The following ROBO2 variants were observed in gnomAD, a reference collection of about 807,000 sequenced individuals.
The protein encoded by ROBO2 is roundabout homolog 2.
In ROBO2, 53 loss-of-function variants were observed where a neutral mutation model predicts 160.8. That is an observed-to-expected ratio of 0.33 (90% CI 0.26 to 0.41). The LOEUF is 0.41. Among genes scored for constraint, ROBO2 ranks in the 10% least tolerant of loss-of-function variants. ROBO2 has a pLI of 1.00. For synonymous variants in ROBO2, 664 were observed against 611.7 expected (o/e 1.09, Z -1.26); for missense variants, 1,577 against 1,722.4 (o/e 0.92, Z 1.49).
At chr3:77,361,674 C>T (rs113367626) in intron 2 of ROBO2, among the ~76,000 whole-genome samples, 3 of 152,076 alleles carry the variant, frequency 2.0e-5, no homozygotes, top group Admixed American at 1.3e-4. Flanking sequence ...TAAGGACACC[C>T]ATTCCATTTA....
At chr3:77,313,040 A>G (rs2063680889) in intron 2 of ROBO2, among the ~76,000 whole-genome samples, 1 of 152,230 alleles carries the variant, frequency 6.6e-6, no homozygotes, top group Non-Finnish European at 1.5e-5. Flanking sequence ...ATAAAAGAAA[A>G]TATTTCTTAT....
At chr3:76,515,399 T>C (rs1003929855) in intron 2 of ROBO2, among the ~76,000 whole-genome samples, 31 of 152,244 alleles carry the variant, frequency 2.0e-4, no homozygotes, top group African/African-American at 6.7e-4. Context: ...TTCCTTTTTT[T>C]CCCCAACTAT....
chr3:77,071,796 T>G (rs765712949), intron 1 of ROBO2, among the ~76,000 whole-genome samples: 1 of 152,190 alleles, frequency 6.6e-6, no homozygotes, highest in Non-Finnish European at 1.5e-5. Flanking sequence ...TTTCCTTACT[T>G]GCACGAGGCT....
intron 1 of ROBO2, among the ~76,000 whole-genome samples, chr3:77,095,115 G>T (rs773874009): frequency 3.3e-5 from 5 of 151,790 alleles, no homozygotes; most frequent in Non-Finnish European, 7.4e-5. Context: ...TAAAAAACTT[G>T]CCTCTATAAT....
chr3:77,102,918 T>C (rs537677664), intron 2 of ROBO2, among the ~76,000 whole-genome samples: 23 of 151,500 alleles, frequency 1.5e-4, no homozygotes, highest in Non-Finnish European at 1.9e-4. Context: ...AAATAATCTC[T>C]AGGCAAAAAA....
intron 2 of ROBO2, among the ~76,000 whole-genome samples, chr3:76,983,691 T>C (rs914352051): frequency 2.0e-5 from 3 of 152,212 alleles, no homozygotes; most frequent in Non-Finnish European, 4.4e-5. Flanking sequence ...TATTATATGA[T>C]AGACAATAGA....
In ROBO2 at chr3:77,081,308, G is replaced by A. The variant is rs142185744; in HGVS notation, c.62-16706G>A. The stretch of plus-strand genomic sequence containing the variant: ...CATTATTACGCCATTGGCCACAGCA[G>A]TGAAATTCAGCAGAAGGCAATTCTG... On this transcript the variant is annotated intron_variant, in intron 1 of 25. Transcript: ENST00000461745. 1.5e-3 allele frequency among the ~76,000 whole-genome samples: 221 copies of A among 152,316 alleles called. 1 individual carries two copies. The highest frequency in any genetic ancestry group is 5.0e-3 in the African/African-American group (206 of 41,582).
At chr3:77,188,913 A>G (rs1463723059) in intron 2 of ROBO2, among the ~76,000 whole-genome samples, 1 of 151,014 alleles carries the variant, frequency 6.6e-6, no homozygotes, top group Non-Finnish European at 1.5e-5. Flanking sequence ...TCAAGATCAA[A>G]TATTTGAAAC....
chr3:77,319,753 C>T (rs951011653), intron 2 of ROBO2, among the ~76,000 whole-genome samples: 2 of 152,078 alleles, frequency 1.3e-5, no homozygotes, highest in Admixed American at 6.6e-5. Context: ...CTGCATTCTC[C>T]AGGTATATAT....
chr3:76,239,647 T>A (rs1339289856), intron 2 of ROBO2, among the ~76,000 whole-genome samples: 2 of 152,204 alleles, frequency 1.3e-5, no homozygotes, highest in Admixed American at 1.3e-4. Flanking sequence ...TCACAAGTAC[T>A]TCTTGGGAAG....
At chr3:77,381,317 A>G (rs1299087855) in intron 2 of ROBO2, among the ~76,000 whole-genome samples, 8 of 152,000 alleles carry the variant, frequency 5.3e-5, no homozygotes, top group Non-Finnish European at 1.2e-4. Flanking sequence ...TCCATCTAAA[A>G]CAAACAAACA....
At chr3:76,868,608 A>G (rs1319561873) in intron 2 of ROBO2, among the ~76,000 whole-genome samples, 1 of 152,194 alleles carries the variant, frequency 6.6e-6, no homozygotes, top group Non-Finnish European at 1.5e-5. Context: ...GAATATATGT[A>G]TCTCAGCTAA....
chr3:75,940,807 T>C (rs1948021007), intron 2 of ROBO2, among the ~76,000 whole-genome samples: 1 of 152,106 alleles, frequency 6.6e-6, no homozygotes, highest in African/African-American at 2.4e-5. Flanking sequence ...ATGGGTGTAA[T>C]TAATGGCACA....
intron 2 of ROBO2, among the ~76,000 whole-genome samples, chr3:76,469,926 A>G (rs1309789389): frequency 6.6e-6 from 1 of 152,158 alleles, no homozygotes; most frequent in Non-Finnish European, 1.5e-5. Flanking sequence ...GATTCAATAC[A>G]CATCTGATAA....
chr3:77,560,638 G>A (rs2093291383), intron 9 of ROBO2, among the ~76,000 whole-genome samples: 2 of 151,970 alleles, frequency 1.3e-5, no homozygotes, highest in Admixed American at 6.6e-5. Context: ...GATGAATACT[G>A]TGTTCTTCTA....
chr3:76,858,276 G>A (rs1214147112), intron 2 of ROBO2, among the ~76,000 whole-genome samples: 1 of 152,098 alleles, frequency 6.6e-6, no homozygotes, highest in African/African-American at 2.4e-5. Flanking sequence ...TCAGTAAATA[G>A]CTTTGTTTTT....
At chr3:76,066,186 A>T (rs1342051285) in intron 2 of ROBO2, among the ~76,000 whole-genome samples, 2 of 152,128 alleles carry the variant, frequency 1.3e-5, no homozygotes, top group Non-Finnish European at 2.9e-5. Flanking sequence ...GAATCATATT[A>T]TATTTATCAT....
intron 2 of ROBO2, among the ~76,000 whole-genome samples, chr3:76,588,681 G>A (rs905987910): frequency 2.6e-5 from 4 of 152,160 alleles, no homozygotes; most frequent in African/African-American, 9.7e-5. Flanking sequence ...ATCACATCAA[G>A]TGCCTGCACA....
At chr3:76,268,265 C>A (rs549342601) in intron 2 of ROBO2, among the ~76,000 whole-genome samples, 13 of 147,472 alleles carry the variant, frequency 8.8e-5, no homozygotes, top group Middle Eastern at 3.5e-3. Flanking sequence ...GCAAAGAAAG[C>A]GAAGGGGAGG....
Sources: gnomAD v4.1 joint callset for allele counts (sites outside exome capture counted in the v4.1 genomes callset) on GRCh38, gnomAD v4.1.1 for gene constraint, MANE v1.5 for transcripts, NCBI Gene and HGNC (gene_info 2026-07-23, HGNC 2026-07-21) for gene names.